The following RUFY3 variants were observed in gnomAD, a reference collection of about 807,000 sequenced individuals.
RUFY3 encodes the protein RUN and FYVE domain containing 3.
In RUFY3, 34 loss-of-function variants were observed where a neutral mutation model predicts 84.0. That is an observed-to-expected ratio of 0.40 (90% CI 0.31 to 0.54). The LOEUF (loss-of-function observed/expected upper bound fraction) is 0.54, where lower values mean the gene tolerates loss of function less well. Ranked by LOEUF, RUFY3 falls within the 20% of genes least tolerant of loss-of-function variation. The pLI, the probability that RUFY3 is intolerant of heterozygous loss-of-function variation, is 0.39. For synonymous variants in RUFY3, 242 were observed against 252.9 expected, an observed-to-expected ratio of 0.96 and a Z score of 0.41; for missense variants, 507 against 736.8, an observed-to-expected ratio of 0.69 and a Z score of 3.61.
chr4:70,794,437 C>T lies in RUFY3; in HGVS notation c.1458-358C>T, dbSNP rs141546420. Among the ~76,000 whole-genome samples, 658 of 152,162 alleles carry T rather than the reference C, an allele frequency of 4.3e-3. 1 individual carries two copies. Among genetic ancestry groups the T allele is most frequent in the Non-Finnish European group, 7.6e-3 (515 of 68,016 alleles). On this transcript the variant is annotated intron_variant, in intron 13 of 17. Transcript: ENST00000381006. Reference sequence around the variant, plus strand: ...CTCTACTAAAAATACAAAAATTTGCCAGACATAGTGGTGGGTGCCAGTAAT... The same window carrying T: ...CTCTACTAAAAATACAAAAATTTGCTAGACATAGTGGTGGGTGCCAGTAAT...
intron 4 of RUFY3, among the ~76,000 whole-genome samples, chr4:70,767,013 A>G (rs1389761183): frequency 6.6e-6 from 1 of 151,998 alleles, no homozygotes; most frequent in Admixed American, 6.6e-5. Context: ...ATCATAGAGT[A>G]TATGGCCTTT....
intron 5 of RUFY3, among the ~76,000 whole-genome samples, chr4:70,770,955 G>A (rs926738306): frequency 2.6e-5 from 4 of 152,102 alleles, no homozygotes; most frequent in Non-Finnish European, 4.4e-5. Context: ...AGGGAATAGG[G>A]AGGCCAAGGA....
intron 5 of RUFY3, among the ~76,000 whole-genome samples, chr4:70,770,460 A>G (rs56902212): frequency 0.069 from 10,522 of 152,230 alleles, 565 homozygotes; most frequent in East Asian, 0.2. Flanking sequence ...TTGCTGCTTC[A>G]ACTTGTACTT....
intron 5 of RUFY3, among the ~76,000 whole-genome samples, chr4:70,770,849 T>C (rs1726831049): frequency 6.6e-6 from 1 of 152,192 alleles, no homozygotes; most frequent in African/African-American, 2.4e-5. Flanking sequence ...TGGCTTTTGA[T>C]TTAAAATAAG....
chr4:70,716,127 AAAAT>A (rs1741573946), intron 1 of RUFY3, among the ~76,000 whole-genome samples: 1 of 151,252 alleles, frequency 6.6e-6, no homozygotes, highest in African/African-American at 2.4e-5. Flanking sequence ...AAAAAAAAAG[AAAAT>A]AAATCAGAAT....
chr4:70,712,326 A>G (rs1246510219), intron 1 of RUFY3, among the ~76,000 whole-genome samples: 2 of 151,960 alleles, frequency 1.3e-5, no homozygotes, highest in African/African-American at 4.8e-5. Flanking sequence ...AAGCCAGGGA[A>G]TGAATTCATA....
At chr4:70,707,039 A>G (rs908160058) in intron 1 of RUFY3, among the ~76,000 whole-genome samples, 4 of 152,244 alleles carry the variant, frequency 2.6e-5, no homozygotes, top group Admixed American at 6.5e-5. Flanking sequence ...ACTATTGAAC[A>G]GTATCAATTG....
At chr4:70,791,368 T>TA (rs1730791922) in intron 12 of RUFY3, 1 of 1,596,086 alleles carries the variant, frequency 6.3e-7, no homozygotes, top group South Asian at 1.1e-5. Context: ...ATCTGAAAGT[T>TA]ACTACATTTA....
chr4:70,711,991 GAAC>G (rs72242342), intron 1 of RUFY3, among the ~76,000 whole-genome samples: 16,610 of 152,158 alleles, frequency 0.11, 1,622 homozygotes, highest in African/African-American at 0.26. Context: ...TTTATTGACA[GAAC>G]AACAATTTCA....
chr4:70,735,770 T>C (rs886206776), intron 1 of RUFY3, among the ~76,000 whole-genome samples: 1 of 152,100 alleles, frequency 6.6e-6, no homozygotes, highest in Non-Finnish European at 1.5e-5. Flanking sequence ...GTGGATCACC[T>C]GAGGTCAGGA....
At chr4:70,758,771 G>T (rs1724480048) in intron 1 of RUFY3, among the ~76,000 whole-genome samples, 2 of 151,964 alleles carry the variant, frequency 1.3e-5, no homozygotes, top group African/African-American at 4.8e-5. Context: ...AGGCGTGGTG[G>T]CTCACACCTG....
rs560257823 is a variant in RUFY3, at chr4:70,765,942, T to C, written c.572+1366T>C. The stretch of plus-strand genomic sequence containing the variant: ...CACACCCAGCTAATTTTTGTATTTT[T>C]AGTAGAGACGGGGTTTCACCGTGTT... On this transcript the variant is annotated intron_variant, in intron 4 of 17. Coordinates refer to ENST00000381006, the MANE Select transcript of RUFY3 (RefSeq NM_001037442.4). Among the ~76,000 whole-genome samples the C allele has an allele frequency of 2.6e-5, 4 of 152,038 alleles. No homozygotes were observed. The East Asian group carries it at 7.8e-4, about 30-fold the overall frequency.
intron 1 of RUFY3, among the ~76,000 whole-genome samples, chr4:70,736,935 T>C (rs1720410218): frequency 1.3e-5 from 2 of 152,260 alleles, no homozygotes; most frequent in Admixed American, 1.3e-4. Context: ...TTCTAAATTT[T>C]TCTACCCAAG....
At chr4:70,765,878 A>C (rs1578137910) in intron 4 of RUFY3, among the ~76,000 whole-genome samples, 1 of 149,286 alleles carries the variant, frequency 6.7e-6, no homozygotes, top group African/African-American at 2.5e-5. Flanking sequence ...TTCTCCTGCC[A>C]CAGCCTCCTG....
At chr4:70,765,618 C>A (rs1320081822) in intron 4 of RUFY3, among the ~76,000 whole-genome samples, 1 of 152,102 alleles carries the variant, frequency 6.6e-6, no homozygotes, top group Non-Finnish European at 1.5e-5. Context: ...GTCAAAGAAC[C>A]TTGTTCATTC....
At chr4:70,729,050 A>G (rs1359838092) in intron 1 of RUFY3, among the ~76,000 whole-genome samples, 1 of 152,158 alleles carries the variant, frequency 6.6e-6, no homozygotes, top group Non-Finnish European at 1.5e-5. Context: ...TATGGGGTAT[A>G]TTTGAGAACA....
At chr4:70,782,152 A>G (rs1314932948) in intron 8 of RUFY3, among the ~76,000 whole-genome samples, 2 of 152,148 alleles carry the variant, frequency 1.3e-5, no homozygotes, top group Non-Finnish European at 2.9e-5. Flanking sequence ...GGACCCCTTT[A>G]TTAAACATTT....
At position 70,793,595 on chromosome 4, in the gene RUFY3, C is replaced by A. The variant is rs920829731; in HGVS notation, c.1338-190C>A. On this transcript the variant is annotated intron_variant, in intron 12 of 17. Coordinates refer to ENST00000381006, the MANE Select transcript of RUFY3 (RefSeq NM_001037442.4). ...CCTGGTTCACCTTCATCTTACTTTT[C>A]TTTAGAATTTGTTTCTTCTCCATCT... is the stretch of plus-strand genomic sequence containing the variant. 1.8e-5 allele frequency: 27 copies of A among 1,467,514 alleles called. No homozygotes were observed. The African/African-American group carries it at 2.6e-4, about 14-fold the overall frequency. The allele number at this position is 1,467,514 out of a possible 1,614,324, so 90.9% of individuals were successfully genotyped here. A position where few individuals can be genotyped will look rare whatever the true frequency, so the allele number is the denominator to read the frequency against.
At position 70,775,173 on chromosome 4, in the gene RUFY3, G is replaced by A. The variant is rs752141729; in HGVS notation, c.764G>A (p.Gly255Asp). The change falls in exon 7 of 18, where the codon GGT (glycine) becomes GAT (aspartate). Residue 255 changes from glycine to aspartate, a missense_variant. Coordinates refer to ENST00000381006, the MANE Select transcript of RUFY3 (RefSeq NM_001037442.4). Reference protein sequence around the residue: ...GNSSKGTEGDGQITAILDQKN... With the variant: ...GNSSKGTEGDDQITAILDQKN... The stretch of plus-strand genomic sequence containing the variant: ...TTTTCTTCCCCTTCCCCCAGAGACG[G>A]TCAGATTACTGCAATTCTGGACCAG... 1 of 1,598,140 alleles carries A rather than the reference G, an allele frequency of 6.3e-7. No homozygotes were observed. Among genetic ancestry groups the A allele is most frequent in the South Asian group, 1.1e-5 (1 of 89,318 alleles).
Sources: gnomAD v4.1 joint callset for allele counts (sites outside exome capture counted in the v4.1 genomes callset) on GRCh38, gnomAD v4.1.1 for gene constraint, MANE v1.5 for transcripts, NCBI Gene and HGNC (gene_info 2026-07-23, HGNC 2026-07-21) for gene names.